Variants in EXOC6B observed in about 807,000 individuals in gnomAD.
EXOC6B encodes SEC15 homolog B.
Under a neutral mutation model 113.5 loss-of-function variants are expected in EXOC6B, and 54 were observed. The observed-to-expected ratio is 0.48, with a 90% CI of 0.38 to 0.60. The LOEUF (loss-of-function observed/expected upper bound fraction) is 0.60, where lower values mean the gene tolerates loss of function less well. EXOC6B is among the 20% of genes least tolerant of loss of function. EXOC6B has a pLI of 0.00. For synonymous variants in EXOC6B, 357 were observed against 339.0 expected (o/e 1.05, Z -0.58); for missense variants, 797 against 977.5 (o/e 0.82, Z 2.46).
At chr2:72,335,108 G>A in intron 19 of EXOC6B, 88 bp from the exon 20 acceptor site, 1 of 1,218,412 alleles carries the variant, frequency 8.2e-7, no homozygotes, top group Non-Finnish European at 1.2e-6. Context: ...GACAAGAGAA[G>A]CTGGGGGAGA....
At chr2:72,739,822 T>G (rs1310037307) in intron 2 of EXOC6B, among the ~76,000 whole-genome samples, 1 of 152,170 alleles carries the variant, frequency 6.6e-6, no homozygotes, top group Non-Finnish European at 1.5e-5. Flanking sequence ...TATTGAGAGA[T>G]TTAATTATGA....
intron 1 of EXOC6B, among the ~76,000 whole-genome samples, chr2:72,763,109 A>G (rs1682841171): frequency 6.6e-6 from 1 of 152,170 alleles, no homozygotes; most frequent in Non-Finnish European, 1.5e-5. Flanking sequence ...TAATTCAGTT[A>G]AGGAGAATAT....
chr2:72,530,466 A>T (rs907712051), intron 8 of EXOC6B, among the ~76,000 whole-genome samples: 19 of 152,076 alleles, frequency 1.2e-4, no homozygotes, highest in Admixed American at 1.1e-3. Flanking sequence ...TCTATGTGTG[A>T]TTTCAAAATT....
intron 20 of EXOC6B, among the ~76,000 whole-genome samples, chr2:72,228,568 A>C (rs1258339301): frequency 6.6e-6 from 1 of 152,066 alleles, no homozygotes; most frequent in Admixed American, 6.5e-5. Context: ...TTCCAGCTTC[A>C]TCCATGTCCC....
chr2:72,358,474 T>A (rs1306061597), intron 19 of EXOC6B, among the ~76,000 whole-genome samples: 1 of 152,176 alleles, frequency 6.6e-6, no homozygotes, highest in Non-Finnish European at 1.5e-5. Context: ...ATGATGATGA[T>A]GTCTGCTAAC....
At chr2:72,395,664 A>T (rs1206714897) in intron 18 of EXOC6B, among the ~76,000 whole-genome samples, 1 of 152,172 alleles carries the variant, frequency 6.6e-6, no homozygotes, top group African/African-American at 2.4e-5. Flanking sequence ...AGGAAGTGAT[A>T]TGGAGAGAAA....
At chr2:72,821,769 A>T (rs1686593713) in intron 1 of EXOC6B, among the ~76,000 whole-genome samples, 1 of 152,160 alleles carries the variant, frequency 6.6e-6, no homozygotes, top group Non-Finnish European at 1.5e-5. Context: ...ACCCATGAAG[A>T]AAAGTAGTGA....
intron 1 of EXOC6B, among the ~76,000 whole-genome samples, chr2:72,761,571 C>A (rs1682744578): frequency 6.6e-6 from 1 of 151,712 alleles, no homozygotes; most frequent in African/African-American, 2.4e-5. Flanking sequence ...TTTTAAAGGG[C>A]AAGATAAATT....
chr2:72,624,138 C>CTTT (rs113271545), intron 6 of EXOC6B, among the ~76,000 whole-genome samples: 10 of 149,756 alleles, frequency 6.7e-5, no homozygotes, highest in Non-Finnish European at 1.2e-4. Flanking sequence ...ATCAGATCAT[C>CTTT]TTTTTTTTTT....
At chr2:72,647,955 C>G (rs1023357870) in intron 6 of EXOC6B, among the ~76,000 whole-genome samples, 7 of 152,156 alleles carry the variant, frequency 4.6e-5, no homozygotes, top group Admixed American at 6.5e-5. Flanking sequence ...TAAAGAGCTT[C>G]TGCACGGCAA....
At chr2:72,277,542 A>T (rs895855274) in intron 20 of EXOC6B, among the ~76,000 whole-genome samples, 12 of 151,608 alleles carry the variant, frequency 7.9e-5, no homozygotes, top group Non-Finnish European at 1.5e-5. Flanking sequence ...TGGAGTGCAG[A>T]GTACAGTGGC....
chr2:72,631,088 A>G (rs1334871603), intron 6 of EXOC6B, among the ~76,000 whole-genome samples: 1 of 152,174 alleles, frequency 6.6e-6, no homozygotes, highest in East Asian at 1.9e-4. Context: ...GTTATAGAAG[A>G]GAATAAATGA....
At chr2:72,268,683 T>C (rs1684290395) in intron 20 of EXOC6B, among the ~76,000 whole-genome samples, 2 of 152,114 alleles carry the variant, frequency 1.3e-5, no homozygotes, top group South Asian at 4.1e-4. Flanking sequence ...CCCTCATGAA[T>C]GACTTGGGGC....
chr2:72,625,056 GT>G (rs79639654), intron 6 of EXOC6B, among the ~76,000 whole-genome samples: 3 of 91,848 alleles, frequency 3.3e-5, no homozygotes, highest in African/African-American at 1.3e-4. Context: ...ACATATAGAA[GT>G]TTTTTTTTGG....
intron 6 of EXOC6B, among the ~76,000 whole-genome samples, chr2:72,620,924 C>T (rs191894352): frequency 1.3e-4 from 20 of 151,966 alleles, no homozygotes; most frequent in African/African-American, 3.4e-4. Flanking sequence ...ACTGATCATC[C>T]GAGAAACGCA....
intron 19 of EXOC6B, among the ~76,000 whole-genome samples, chr2:72,343,881 T>C (rs969253346): frequency 6.6e-6 from 1 of 152,186 alleles, no homozygotes; most frequent in African/African-American, 2.4e-5. Context: ...ATGAGTCTTG[T>C]AAGCACCAAA....
At chr2:72,226,167 G>C (rs1017908868) in intron 20 of EXOC6B, among the ~76,000 whole-genome samples, 1 of 152,132 alleles carries the variant, frequency 6.6e-6, no homozygotes, top group African/African-American at 2.4e-5. Context: ...GAGAGACTAA[G>C]GAGATATGAT....
At chr2:72,691,416 G>A (rs965177337) in intron 6 of EXOC6B, among the ~76,000 whole-genome samples, 4 of 151,796 alleles carry the variant, frequency 2.6e-5, no homozygotes, top group African/African-American at 7.3e-5. Context: ...TAAATCTACC[G>A]AGAAATAGAA....
At chr2:72,718,391 T>C in intron 5 of EXOC6B, 84 bp from the exon 6 acceptor site, 1 of 1,026,784 alleles carries the variant, frequency 9.7e-7, no homozygotes, top group Non-Finnish European at 1.5e-6. Flanking sequence ...GTTTTCACTG[T>C]GCATTAACAC....
Sources: gnomAD v4.1 joint callset for allele counts (sites outside exome capture counted in the v4.1 genomes callset) on GRCh38, gnomAD v4.1.1 for gene constraint, MANE v1.5 for transcripts, NCBI Gene and HGNC (gene_info 2026-07-23, HGNC 2026-07-21) for gene names.